The following STXBP3 variants were observed in gnomAD, a reference collection of about 807,000 sequenced individuals.
The protein encoded by STXBP3 is syntaxin binding protein 3.
In STXBP3, 41 loss-of-function variants were observed where a neutral mutation model predicts 85.7. The observed-to-expected ratio is 0.48, with a 90% confidence interval of 0.37 to 0.62. The LOEUF (loss-of-function observed/expected upper bound fraction) is 0.62, where lower values mean the gene tolerates loss of function less well. Ranked by LOEUF, STXBP3 falls within the 20% of genes least tolerant of loss-of-function variation. The pLI is 0.00. For missense variants in STXBP3, 563 were observed against 703.1 expected, an observed-to-expected ratio of 0.80 and a Z score of 2.25; for synonymous variants, 229 against 231.7, an observed-to-expected ratio of 0.99 and a Z score of 0.10.
chr1:108,779,542 C>A, intron 9 of STXBP3, 132 bp downstream of exon 9: 2 of 924,720 alleles, frequency 2.2e-6, no homozygotes, highest in Non-Finnish European at 3.0e-6. Flanking sequence ...TTATCCTTCT[C>A]TTATTCCTAC....
intron 6 of STXBP3, among the ~76,000 whole-genome samples, chr1:108,764,391 T>C (rs950834882): frequency 6.6e-6 from 1 of 152,188 alleles, no homozygotes; most frequent in Non-Finnish European, 1.5e-5. Context: ...GATAGACTTA[T>C]ATTCTTTTGG....
intron 4 of STXBP3, chr1:108,757,066 G>A: frequency 5.2e-6 from 1 of 193,328 alleles, no homozygotes; most frequent in Non-Finnish European, 1.1e-5. Context: ...ACCTTTTGGG[G>A]GGATGGTAAT....
intron 1 of STXBP3, among the ~76,000 whole-genome samples, chr1:108,750,466 A>T (rs1204982390): frequency 6.6e-6 from 1 of 152,156 alleles, no homozygotes; most frequent in Non-Finnish European, 1.5e-5. Context: ...AAATCTTCTC[A>T]ATCACAATAC....
At chr1:108,802,560 G>A (rs1169683062) in intron 17 of STXBP3, among the ~76,000 whole-genome samples, 1 of 152,180 alleles carries the variant, frequency 6.6e-6, no homozygotes, top group Non-Finnish European at 1.5e-5. Context: ...ATCTGACTGA[G>A]CTGGGAGAGC....
rs1452264332 is a variant in STXBP3, at chr1:108,806,187, C to T, written c.1536-1214C>T. Among the ~76,000 whole-genome samples the T allele has an allele frequency of 2.0e-5, 3 of 152,222 alleles. No individual in the cohort carries two copies. In the East Asian group the frequency reaches 5.8e-4, roughly 29 times the overall value. On this transcript the variant is annotated intron_variant, in intron 17 of 18. Coordinates refer to ENST00000370008, the MANE Select transcript of STXBP3 (RefSeq NM_007269.4). The stretch of plus-strand genomic sequence containing the variant: ...GTGAACAAAAAAAGTAATTCCTATG[C>T]TCTAGAGCAGTGCTAGCCAATAGAA...
intron 9 of STXBP3, 115 bp from the exon 10 acceptor site, chr1:108,782,307 G>T: frequency 1.3e-6 from 1 of 772,748 alleles, no homozygotes; most frequent in Non-Finnish European, 2.1e-6. Context: ...TAAAATAGTG[G>T]ATTTTACTTT....
At chr1:108,758,079 G>C (rs6703235) in intron 4 of STXBP3, among the ~76,000 whole-genome samples, 33,386 of 151,694 alleles carry the variant, frequency 0.22, 3,954 homozygotes, top group Non-Finnish European at 0.26. Context: ...CACTCACTGT[G>C]TCTCACTTCA....
intron 7 of STXBP3, among the ~76,000 whole-genome samples, chr1:108,775,512 ACC>A (rs769893938): frequency 1.7e-4 from 26 of 151,842 alleles, no homozygotes; most frequent in Non-Finnish European, 3.4e-4. Flanking sequence ...TACTCATTCT[ACC>A]TATATTTTTG....
At chr1:108,803,312 G>A (rs1663269579) in intron 17 of STXBP3, among the ~76,000 whole-genome samples, 1 of 152,066 alleles carries the variant, frequency 6.6e-6, no homozygotes, top group African/African-American at 2.4e-5. Flanking sequence ...CTTCATTTGT[G>A]TTCACTTTGT....
At chr1:108,792,489 C>G (rs1350761219) in intron 11 of STXBP3, among the ~76,000 whole-genome samples, 1 of 152,122 alleles carries the variant, frequency 6.6e-6, no homozygotes, top group Non-Finnish European at 1.5e-5. Flanking sequence ...TCACCTTGAA[C>G]ATTTATTATT....
intron 11 of STXBP3, among the ~76,000 whole-genome samples, chr1:108,789,739 T>C (rs976616621): frequency 6.6e-6 from 1 of 152,178 alleles, no homozygotes; most frequent in Admixed American, 6.5e-5. Context: ...GAATGTGCAC[T>C]ATATGACATC....
intron 1 of STXBP3, among the ~76,000 whole-genome samples, chr1:108,747,764 T>G (rs1260121660): frequency 6.6e-6 from 1 of 152,252 alleles, no homozygotes; most frequent in Non-Finnish European, 1.5e-5. Context: ...ACTGGGATAG[T>G]GCTTAACATA....
rs985872984 is a variant in STXBP3 at position 108,769,128 on chromosome 1, G to T, written c.439-3537G>T. On this transcript the variant is annotated intron_variant, in intron 6 of 18. Coordinates refer to ENST00000370008, the MANE Select transcript of STXBP3 (RefSeq NM_007269.4). Reference sequence around the variant, plus strand: ...ATTGTTTTTACTATATTCTAACAAAGTAAGCTAGAGAAAAGAAAATGTTAT... The same window carrying T: ...ATTGTTTTTACTATATTCTAACAAATTAAGCTAGAGAAAAGAAAATGTTAT... Among the ~76,000 whole-genome samples the T allele has an allele frequency of 2.0e-5, 3 of 151,962 alleles. No homozygotes were observed. In the South Asian group the frequency reaches 6.2e-4, roughly 32 times the overall value.
At chr1:108,784,894 A>G (rs760946812) in intron 11 of STXBP3, among the ~76,000 whole-genome samples, 13 of 152,224 alleles carry the variant, frequency 8.5e-5, no homozygotes, top group Non-Finnish European at 1.9e-4. Context: ...ATTAAATCTT[A>G]AAGTTCCAAA....
intron 17 of STXBP3, among the ~76,000 whole-genome samples, chr1:108,801,460 T>C (rs1465375562): frequency 1.3e-5 from 2 of 152,104 alleles, no homozygotes; most frequent in African/African-American, 2.4e-5. Context: ...GATGTCCTTG[T>C]TGAGTTTTTA....
intron 6 of STXBP3, among the ~76,000 whole-genome samples, chr1:108,762,985 G>A (rs867421337): frequency 9.9e-5 from 15 of 152,206 alleles, no homozygotes; most frequent in Admixed American, 2.0e-4. Flanking sequence ...CACATTCAGT[G>A]TTACAGCAAC....
Position 108,804,759 on chromosome 1 carries a change from AGAG to A in STXBP3, c.1536-2638_1536-2636del, listed in dbSNP as rs1663294178. Among the ~76,000 whole-genome samples, 5 of 152,346 alleles carry A rather than the reference AGAG, an allele frequency of 3.3e-5. No homozygotes were observed. In the South Asian group the frequency reaches 1.0e-3, roughly 32 times the overall value. On this transcript the variant is annotated intron_variant, in intron 17 of 18. Coordinates refer to ENST00000370008, the MANE Select transcript of STXBP3 (RefSeq NM_007269.4). ...GAGACAGGCCTGTGGCTAAATTATC[AGAG>A]GAGAAGCTTCCTTGCATCTCCCCTT...
intron 8 of STXBP3, 54 bp from the exon 9 acceptor site, chr1:108,779,232 T>G: frequency 6.4e-7 from 1 of 1,565,426 alleles, no homozygotes; most frequent in Non-Finnish European, 8.7e-7. Context: ...ATTAAAACTA[T>G]GTTCACACTA....
At chr1:108,802,380 G>A (rs575329463) in intron 17 of STXBP3, among the ~76,000 whole-genome samples, 24 of 152,262 alleles carry the variant, frequency 1.6e-4, no homozygotes, top group Non-Finnish European at 3.2e-4. Context: ...CTAGGTGACA[G>A]AGCAAGACTC....
Sources: allele counts gnomAD v4.1 joint callset (sites outside exome capture counted in the v4.1 genomes callset), GRCh38; gene constraint gnomAD v4.1.1; transcripts MANE v1.5; gene names NCBI Gene and HGNC (gene_info 2026-07-23, HGNC 2026-07-21).